The following TMEM132D variants were observed in gnomAD, a reference collection of about 807,000 sequenced individuals.
TMEM132D encodes the protein mature OL transmembrane protein.
TMEM132D carries 21 observed loss-of-function variants against 62.3 expected under a neutral mutation model. The observed-to-expected ratio is 0.34, with a 90% CI of 0.24 to 0.49. The LOEUF (loss-of-function observed/expected upper bound fraction) is 0.49. TMEM132D is among the 20% of genes least tolerant of loss of function. TMEM132D has a pLI of 0.99. For missense variants in TMEM132D, 1,346 were observed against 1,402.8 expected (o/e 0.96, Z 0.65); for synonymous variants, 621 against 575.6 (o/e 1.08, Z -1.13).
chr12:129,166,002 T>C (rs1331934834), intron 5 of TMEM132D, among the ~76,000 whole-genome samples: 1 of 152,210 alleles, frequency 6.6e-6, no homozygotes, highest in Non-Finnish European at 1.5e-5. Context: ...ACAACCACCA[T>C]TGGAAACAGC....
At chr12:129,121,074 AT>A (rs1249781684) in intron 5 of TMEM132D, among the ~76,000 whole-genome samples, 1 of 151,520 alleles carries the variant, frequency 6.6e-6, no homozygotes. Context: ...TAATCAGCTG[AT>A]TTTATTTTAT....
chr12:129,179,144 C>T (rs1008752501), intron 5 of TMEM132D, among the ~76,000 whole-genome samples: 6 of 152,036 alleles, frequency 3.9e-5, no homozygotes, highest in East Asian at 1.9e-4. Context: ...CGTACAGAAA[C>T]GGGATGTTCA....
At chr12:129,723,741 G>A (rs143056828) in intron 1 of TMEM132D, among the ~76,000 whole-genome samples, 75 of 152,224 alleles carry the variant, frequency 4.9e-4, no homozygotes, top group African/African-American at 1.6e-3. Context: ...TCAACATCTC[G>A]TCTCTCAAAG....
At chr12:129,386,325 A>C (rs1871104254) in intron 3 of TMEM132D, among the ~76,000 whole-genome samples, 1 of 152,142 alleles carries the variant, frequency 6.6e-6, no homozygotes, top group African/African-American at 2.4e-5. Flanking sequence ...CTAACACTAA[A>C]ACCAATGCTA....
intron 4 of TMEM132D, among the ~76,000 whole-genome samples, chr12:129,301,196 T>A (rs1335482530): frequency 6.6e-6 from 1 of 152,198 alleles, no homozygotes; most frequent in Non-Finnish European, 1.5e-5. Context: ...GACTCTCCCA[T>A]TGAAAAAACT....
At chr12:129,550,533 C>T (rs931231955) in intron 2 of TMEM132D, among the ~76,000 whole-genome samples, 7 of 152,150 alleles carry the variant, frequency 4.6e-5, no homozygotes, top group East Asian at 1.9e-4. Context: ...TGCTCTAATG[C>T]GGTGATTTGT....
At chr12:129,219,978 C>T (rs1021030512) in intron 4 of TMEM132D, among the ~76,000 whole-genome samples, 6 of 152,140 alleles carry the variant, frequency 3.9e-5, no homozygotes, top group African/African-American at 1.2e-4. Flanking sequence ...TCTTGAATTG[C>T]TAATATATTT....
chr12:129,799,890 C>T (rs1454749000), intron 1 of TMEM132D, among the ~76,000 whole-genome samples: 3 of 152,128 alleles, frequency 2.0e-5, no homozygotes, highest in African/African-American at 7.2e-5. Context: ...AGGCTGCCCT[C>T]TTCTCAGGAG....
At chr12:129,516,275 G>T (rs1056654187) in intron 3 of TMEM132D, among the ~76,000 whole-genome samples, 1 of 152,190 alleles carries the variant, frequency 6.6e-6, no homozygotes, top group Non-Finnish European at 1.5e-5. Context: ...TAAGTGCAAC[G>T]TCTGACTGAG....
chr12:129,404,232 T>C (rs1380898365), intron 3 of TMEM132D, among the ~76,000 whole-genome samples: 2 of 152,172 alleles, frequency 1.3e-5, no homozygotes, highest in Non-Finnish European at 2.9e-5. Flanking sequence ...AGAGTCTTAC[T>C]CTGTTGCCCA....
rs1170432616 is a variant in TMEM132D at position 129,827,239 on chromosome 12, T to C, written c.79+76022A>G. On this transcript the variant is annotated intron_variant, in intron 1 of 8. Coordinates refer to ENST00000422113, the MANE Select transcript of TMEM132D (RefSeq NM_133448.3). The surrounding 1 kb of genome is among the most constrained non-coding windows in gnomAD (Gnocchi z 9.7). ...AGGCTGTCTTATGCAATGAGTGCTATGATTATTCCCATTTTGCAGATGAAG... is the reference window on the plus strand; with the variant it reads ...AGGCTGTCTTATGCAATGAGTGCTACGATTATTCCCATTTTGCAGATGAAG... Among the ~76,000 whole-genome samples the C allele has an allele frequency of 6.6e-6, 1 of 152,186 alleles. No individual in the cohort carries two copies. The highest frequency in any genetic ancestry group is 1.5e-5 in the Non-Finnish European group (1 of 68,026).
chr12:129,198,166 T>C (rs1228933338), intron 5 of TMEM132D, among the ~76,000 whole-genome samples: 2 of 152,198 alleles, frequency 1.3e-5, no homozygotes, highest in South Asian at 2.1e-4. Context: ...TTAAGAATTA[T>C]TAAAAAGATA....
intron 4 of TMEM132D, among the ~76,000 whole-genome samples, chr12:129,264,487 A>G (rs113360300): frequency 2.6e-5 from 4 of 152,238 alleles, no homozygotes; most frequent in African/African-American, 9.6e-5. Context: ...AAACTAGTGC[A>G]GCCACTAAGG....
At chr12:129,512,059 C>T (rs901616575) in intron 3 of TMEM132D, among the ~76,000 whole-genome samples, 4 of 152,016 alleles carry the variant, frequency 2.6e-5, no homozygotes, top group African/African-American at 4.8e-5. Flanking sequence ...TTTGTTTTAC[C>T]GTACAGCATC....
intron 4 of TMEM132D, among the ~76,000 whole-genome samples, chr12:129,283,773 A>G (rs1011713068): frequency 6.6e-6 from 1 of 152,162 alleles, no homozygotes; most frequent in African/African-American, 2.4e-5. Flanking sequence ...ATTTTGTCCA[A>G]GTGCTTCTGT....
chr12:129,181,803 T>C (rs969904938), intron 5 of TMEM132D, among the ~76,000 whole-genome samples: 6 of 152,242 alleles, frequency 3.9e-5, no homozygotes, highest in East Asian at 3.8e-4. Flanking sequence ...TTGATCTTCC[T>C]CTTCCTCTAT....
intron 4 of TMEM132D, among the ~76,000 whole-genome samples, chr12:129,275,157 G>A (rs1336573700): frequency 6.6e-6 from 1 of 152,024 alleles, no homozygotes; most frequent in African/African-American, 2.4e-5. Context: ...GCACACAGCT[G>A]TAACCCCAGC....
intron 3 of TMEM132D, among the ~76,000 whole-genome samples, chr12:129,347,817 A>G (rs11060267): frequency 2.0e-5 from 3 of 152,082 alleles, no homozygotes; most frequent in African/African-American, 4.8e-5. Flanking sequence ...TCCATCTGAC[A>G]AAGGTCTAAT....
intron 5 of TMEM132D, among the ~76,000 whole-genome samples, chr12:129,132,811 T>C (rs961589843): frequency 3.3e-5 from 5 of 152,214 alleles, no homozygotes; most frequent in Admixed American, 3.3e-4. Flanking sequence ...AAAAGTAGCA[T>C]TTAATTGACC....
Sources: allele counts gnomAD v4.1 joint callset (sites outside exome capture counted in the v4.1 genomes callset), GRCh38; gene constraint gnomAD v4.1.1; non-coding constraint Gnocchi (gnomAD v3.1); transcripts MANE v1.5; gene names NCBI Gene and HGNC (gene_info 2026-07-23, HGNC 2026-07-21).